The following TMEM232 variants were observed in gnomAD, a reference collection of about 807,000 sequenced individuals.
TMEM232 encodes the protein transmembrane protein 232.
Under a neutral mutation model 78.8 loss-of-function variants are expected in TMEM232, and 80 were observed. The ratio of observed to expected loss-of-function variants is 1.01; its 90% confidence interval spans 0.85 to 1.22. The LOEUF (loss-of-function observed/expected upper bound fraction) is 1.22. Among genes scored for constraint, TMEM232 ranks in the 50% most tolerant of loss-of-function variants. TMEM232 has a pLI of 0.00. For missense variants in TMEM232, 881 were observed against 742.2 expected (o/e 1.19, Z -2.17); for synonymous variants, 297 against 254.3 (o/e 1.17, Z -1.60).
At chr5:110,674,104 A>G (rs1394229703) in intron 1 of TMEM232, among the ~76,000 whole-genome samples, 1 of 152,034 alleles carries the variant, frequency 6.6e-6, no homozygotes, top group East Asian at 1.9e-4. Context: ...TTATTTTGCA[A>G]TTATTCTAAT....
intron 12 of TMEM232, among the ~76,000 whole-genome samples, chr5:110,478,149 A>T (rs529426116): frequency 6.6e-6 from 1 of 151,844 alleles, no homozygotes; most frequent in South Asian, 2.1e-4. Context: ...CACGCTATGA[A>T]TTTTTCCTGC....
At chr5:110,458,586 T>C (rs1373730532) in intron 12 of TMEM232, among the ~76,000 whole-genome samples, 1 of 152,180 alleles carries the variant, frequency 6.6e-6, no homozygotes, top group Non-Finnish European at 1.5e-5. Context: ...AGGGTGCATT[T>C]ATTCCCTGAT....
In TMEM232 at chr5:110,689,431, T is replaced by C. The variant is rs559548364; in HGVS notation, c.-12-22067A>G. Among the ~76,000 whole-genome samples the C allele has an allele frequency of 3.7e-4, 56 of 152,272 alleles. 1 individual carries two copies. In the South Asian group the frequency reaches 0.01, roughly 28 times the overall value. On this transcript the variant is annotated intron_variant, in intron 1 of 13. Transcript: ENST00000455884. ...TCAGAAATAGTAAGTATAAATATAA[T>C]CTGTAATCAACACAAAACACTAATA... is the stretch of plus-strand genomic sequence containing the variant.
At chr5:110,553,551 T>C (rs2149624182) in intron 11 of TMEM232, among the ~76,000 whole-genome samples, 1 of 152,338 alleles carries the variant, frequency 6.6e-6, no homozygotes, top group South Asian at 2.1e-4. Context: ...TTAGGAATGC[T>C]AGTGATTTTT....
intron 1 of TMEM232, among the ~76,000 whole-genome samples, chr5:110,675,317 T>C (rs915711794): frequency 5.3e-5 from 8 of 152,122 alleles, no homozygotes; most frequent in Admixed American, 3.9e-4. Context: ...AGTGCTGGGA[T>C]TACAGGCATG....
At chr5:110,394,435 A>T (rs901860711) in intron 3 of TMEM232, among the ~76,000 whole-genome samples, 2 of 152,174 alleles carry the variant, frequency 1.3e-5, no homozygotes, top group African/African-American at 4.8e-5. Flanking sequence ...TTTCTTATCA[A>T]TATACTGATT....
At chr5:110,450,981 C>T (rs1760210389) in intron 12 of TMEM232, among the ~76,000 whole-genome samples, 1 of 151,826 alleles carries the variant, frequency 6.6e-6, no homozygotes, top group Admixed American at 6.6e-5. Context: ...CCTCTAGGTC[C>T]TCCAAGGAAA....
intron 1 of TMEM232, among the ~76,000 whole-genome samples, chr5:110,682,000 A>C (rs1309479648): frequency 6.6e-6 from 1 of 152,206 alleles, no homozygotes; most frequent in African/African-American, 2.4e-5. Flanking sequence ...AAAAAAATAA[A>C]ATGAGGCTAA....
chr5:110,637,952 T>C (rs1455591892), intron 5 of TMEM232, among the ~76,000 whole-genome samples: 4 of 151,922 alleles, frequency 2.6e-5, no homozygotes, highest in Non-Finnish European at 5.9e-5. Context: ...AGTAGAAGTA[T>C]ATTGTTTTTT....
intron 12 of TMEM232, among the ~76,000 whole-genome samples, chr5:110,440,247 T>C (rs1396454242): frequency 2.0e-5 from 3 of 152,162 alleles, no homozygotes; most frequent in Non-Finnish European, 4.4e-5. Context: ...ATTTTTAATA[T>C]GTTGCTTAAG....
intron 12 of TMEM232, among the ~76,000 whole-genome samples, chr5:110,436,075 A>G (rs1490001874): frequency 6.6e-6 from 1 of 151,888 alleles, no homozygotes; most frequent in East Asian, 1.9e-4. Context: ...ATTCCTACCA[A>G]TACTTGCAAG....
Position 110,657,212 on chromosome 5 carries a change from T to C in TMEM232, c.125+10016A>G, listed in dbSNP as rs537384358. 2.6e-5 allele frequency among the ~76,000 whole-genome samples: 4 copies of C among 152,246 alleles called. No individual in the cohort carries two copies. The South Asian group carries it at 8.3e-4, about 32-fold the overall frequency. ...TGGAGGTTCCTCAAAAAACTAAAAA[T>C]AGAACTGCCATATAATCCAGCAATC... is the stretch of plus-strand genomic sequence containing the variant. On this transcript the variant is annotated intron_variant, in intron 2 of 13. Coordinates refer to ENST00000455884, the MANE Select transcript of TMEM232 (RefSeq NM_001039763.4).
chr5:110,466,764 C>A (rs1180493461), intron 12 of TMEM232, among the ~76,000 whole-genome samples: 1 of 151,956 alleles, frequency 6.6e-6, no homozygotes, highest in Non-Finnish European at 1.5e-5. Flanking sequence ...AGGTGCCCAC[C>A]ACCACGCCCG....
intron 12 of TMEM232, among the ~76,000 whole-genome samples, chr5:110,517,376 C>T (rs1322615817): frequency 2.0e-5 from 3 of 152,136 alleles, no homozygotes; most frequent in Admixed American, 1.3e-4. Flanking sequence ...GTTTAGTCAA[C>T]CAGAGAAATT....
intron 12 of TMEM232, among the ~76,000 whole-genome samples, chr5:110,513,445 A>G (rs1379900761): frequency 6.6e-6 from 1 of 152,150 alleles, no homozygotes; most frequent in African/African-American, 2.4e-5. Context: ...CTTAATATCA[A>G]ATAAAACCAA....
At chr5:110,578,893 T>C (rs1176873409) in intron 10 of TMEM232, among the ~76,000 whole-genome samples, 3 of 151,840 alleles carry the variant, frequency 2.0e-5, no homozygotes, top group Non-Finnish European at 4.4e-5. Flanking sequence ...AGAAACACCC[T>C]TGTGCCATAA....
intron 8 of TMEM232, among the ~76,000 whole-genome samples, chr5:110,610,210 GGA>G (rs1491309525): frequency 6.8e-6 from 1 of 147,332 alleles, no homozygotes; most frequent in African/African-American, 2.6e-5. Context: ...AAGGAAGGAA[GGA>G]AGGAAGGGAG....
chr5:110,495,731 T>C (rs765104620), intron 12 of TMEM232, among the ~76,000 whole-genome samples: 1 of 151,748 alleles, frequency 6.6e-6, no homozygotes, highest in South Asian at 2.1e-4. Context: ...TGAGATACTA[T>C]GAAAATAAAC....
intron 5 of TMEM232, among the ~76,000 whole-genome samples, chr5:110,629,225 A>C (rs752289002): frequency 2.6e-5 from 4 of 152,114 alleles, no homozygotes; most frequent in Non-Finnish European, 4.4e-5. Flanking sequence ...TTCAAGGACT[A>C]GAGATAAATA....
Sources: allele counts gnomAD v4.1 joint callset (sites outside exome capture counted in the v4.1 genomes callset), GRCh38; gene constraint gnomAD v4.1.1; transcripts MANE v1.5; gene names NCBI Gene and HGNC (gene_info 2026-07-23, HGNC 2026-07-21).